OXR1: variants seen among roughly 807,000 people sequenced by gnomAD.
OXR1 encodes the protein oxidation resistance protein 1.
In OXR1, 41 loss-of-function variants were observed where a neutral mutation model predicts 104.6. The ratio of observed to expected loss-of-function variants is 0.39; its 90% CI spans 0.31 to 0.51. The LOEUF (loss-of-function observed/expected upper bound fraction) is 0.51, where lower values mean the gene tolerates loss of function less well. OXR1 is among the 20% of genes least tolerant of loss of function. The pLI is 0.77. For missense variants in OXR1, 955 were observed against 1,031.9 expected (o/e 0.93, Z 1.02); for synonymous variants, 348 against 348.4 (o/e 1.00, Z 0.01).
intron 2 of OXR1, among the ~76,000 whole-genome samples, chr8:106,395,462 C>T (rs1237004325): frequency 1.3e-5 from 2 of 152,080 alleles, no homozygotes; most frequent in African/African-American, 2.4e-5. Context: ...AGTAGCAAAG[C>T]GGAAACCCCA....
chr8:106,357,336 CAG>C (rs902260971), intron 1 of OXR1, among the ~76,000 whole-genome samples: 4 of 151,888 alleles, frequency 2.6e-5, no homozygotes, highest in African/African-American at 9.7e-5. Context: ...TTTGCCTTTA[CAG>C]ATGTAAGTCT....
In OXR1 at chr8:106,564,313, TC is replaced by T. The variant is rs530923353; in HGVS notation, c.220+45177del. 2.0e-5 allele frequency among the ~76,000 whole-genome samples: 3 copies of T among 152,068 alleles called. No homozygotes were observed. In the South Asian group the frequency reaches 6.2e-4, roughly 32 times the overall value. On this transcript the variant is annotated intron_variant, in intron 3 of 16. Transcript: ENST00000517566. ...ATGATAAAGGGGAGATCACCACTGA[TC>T]CCACAGAAATACAAACTACCATCAG...
chr8:106,722,130 C>T (rs1455028485), intron 11 of OXR1, among the ~76,000 whole-genome samples: 1 of 152,018 alleles, frequency 6.6e-6, no homozygotes, highest in Non-Finnish European at 1.5e-5. Context: ...CATATGTTTT[C>T]TATTATTATT....
Position 106,745,834 on chromosome 8 carries a change from A to G in OXR1, c.2458A>G (p.Met820Val), listed in dbSNP as rs952980205. 12 of 1,592,242 alleles carry G rather than the reference A, an allele frequency of 7.5e-6. No individual in the cohort carries two copies. Among genetic ancestry groups the G allele is most frequent in the Admixed American group, 1.7e-5 (1 of 59,840 alleles). The part of the protein sequence containing the change: ...GDNMFFIKGD[M>V]DSLAFGGGGG... ...TAATATGTTTTTTATCAAAGGAGAC[A>G]TGGATTCACTAGCTTTCGGTGGTGG... Residue 820 changes from methionine to valine, a missense_variant, in exon 16 of 17, where the codon ATG becomes GTG. Coordinates refer to ENST00000517566, the MANE Select transcript of OXR1 (RefSeq NM_001198533.2).
intron 6 of OXR1, among the ~76,000 whole-genome samples, chr8:106,686,990 A>G (rs1828801387): frequency 6.6e-6 from 1 of 152,142 alleles, no homozygotes; most frequent in Admixed American, 6.5e-5. Context: ...AGTATTATTT[A>G]TTTCTTATCT....
In OXR1 at chr8:106,706,086, A is replaced by G. The variant is rs1040624909; in HGVS notation, c.861-296A>G. Among the ~76,000 whole-genome samples, 16 of 152,258 alleles carry G rather than the reference A, an allele frequency of 1.1e-4. 1 individual carries two copies. Among genetic ancestry groups the G allele is most frequent in the African/African-American group, 3.9e-4 (16 of 41,558 alleles). Reference sequence around the variant, plus strand: ...TACAGCTTTACCCAGGGTTTATGTCATCAAGTTCCCTTCAAGTGGATTACT... The same window carrying G: ...TACAGCTTTACCCAGGGTTTATGTCGTCAAGTTCCCTTCAAGTGGATTACT... On this transcript the variant is annotated intron_variant, in intron 8 of 16. Transcript: ENST00000517566.
Position 106,542,596 on chromosome 8 carries a change from G to T in OXR1, c.220+23457G>T, listed in dbSNP as rs138243615. On this transcript the variant is annotated intron_variant, in intron 3 of 16. Transcript: ENST00000517566. ...TTCTGTCTTAGTAAATTTCCAGTACGGGTTAGGCACCTATTTTTTTTTCTT... is the reference window on the plus strand; with the variant it reads ...TTCTGTCTTAGTAAATTTCCAGTACTGGTTAGGCACCTATTTTTTTTTCTT... Among the ~76,000 whole-genome samples, 10 of 152,000 alleles carry T rather than the reference G, an allele frequency of 6.6e-5. No individual in the cohort carries two copies. The South Asian group carries it at 2.1e-3, about 32-fold the overall frequency.
intron 1 of OXR1, among the ~76,000 whole-genome samples, chr8:106,308,125 A>G (rs1037649655): frequency 3.9e-5 from 6 of 152,138 alleles, no homozygotes; most frequent in Admixed American, 3.9e-4. Flanking sequence ...GGGGCCCAGG[A>G]AAGCCAGTGG....
intron 2 of OXR1, among the ~76,000 whole-genome samples, chr8:106,485,173 GAGAT>G (rs148900771): frequency 0.054 from 8,168 of 152,134 alleles, 299 homozygotes; most frequent in African/African-American, 0.091. Flanking sequence ...AAAGGAGAGA[GAGAT>G]AAACAGGTAG....
chr8:106,465,779 T>C (rs1821142138), intron 2 of OXR1, among the ~76,000 whole-genome samples: 1 of 152,030 alleles, frequency 6.6e-6, no homozygotes, highest in Non-Finnish European at 1.5e-5. Context: ...CTTTCTCTTA[T>C]ATCACTAGAT....
At chr8:106,373,116 G>A (rs1291272930) in intron 2 of OXR1, among the ~76,000 whole-genome samples, 1 of 152,144 alleles carries the variant, frequency 6.6e-6, no homozygotes, top group Non-Finnish European at 1.5e-5. Context: ...AGTATCTAGG[G>A]ATGATTTAAA....
chr8:106,697,693 G>A, intron 7 of OXR1: 1 of 1,614,066 alleles, frequency 6.2e-7, no homozygotes, highest in Non-Finnish European at 8.5e-7. Flanking sequence ...GATGTCAGTG[G>A]TGTTAATGCC....
intron 10 of OXR1, among the ~76,000 whole-genome samples, chr8:106,713,409 A>G (rs28921433): frequency 1.5e-4 from 23 of 152,060 alleles, no homozygotes; most frequent in African/African-American, 5.3e-4. Context: ...CATTTCTATT[A>G]ACTTGGAAAA....
chr8:106,679,157 CATT>C lies in OXR1; in HGVS notation c.221-51_221-49del, dbSNP rs1374724931. 13 of 1,083,572 alleles carry C rather than the reference CATT, an allele frequency of 1.2e-5. No homozygotes were observed. The Admixed American group carries it at 1.2e-4, about 10-fold the overall frequency. 67.1% of individuals were successfully genotyped at this position (1,083,572 alleles called of 1,614,324 possible). ...AAGAGCTCTATTCAGTAGTCCTTGA[CATT>C]ACTCTGAAAGAAAGATGAATTTAAT... On this transcript the variant is annotated intron_variant, in intron 3 of 16. Coordinates refer to ENST00000517566, the MANE Select transcript of OXR1 (RefSeq NM_001198533.2).
chr8:106,420,761 A>T (rs1312244131), intron 2 of OXR1, among the ~76,000 whole-genome samples: 1 of 105,978 alleles, frequency 9.4e-6, no homozygotes, highest in African/African-American at 5.5e-5. Context: ...TGTGTGTGTT[A>T]GTTACTAGCC....
rs756671936 is a variant in OXR1, at chr8:106,706,638, G to C, written c.1117G>C (p.Val373Leu). The C allele has an allele frequency of 1.2e-6, 2 of 1,613,582 alleles. No individual in the cohort carries two copies. The highest frequency in any genetic ancestry group is 1.7e-6 in the Non-Finnish European group (2 of 1,179,852). ...SGASSESVQT[V>L]NQAEVESLTV... is the part of the protein sequence containing the mutation. The stretch of plus-strand genomic sequence containing the variant: ...TGCGTCATCAGAATCTGTGCAAACT[G>C]TCAATCAGGCTGAAGTAGAAAGTCT... The change falls in exon 9 of 17, where the codon GTC (valine) becomes CTC (leucine). Residue 373 changes from valine (V) to leucine (L), a missense_variant. By Grantham distance (32) the Val-to-Leu change is conservative. Around this residue, in one of 2 missense-constraint regions of OXR1, gnomAD observed 849 missense variants for 852.9 expected, o/e 1.00. Transcript: ENST00000517566.
At chr8:106,560,113 T>C (rs999537853) in intron 3 of OXR1, among the ~76,000 whole-genome samples, 2 of 152,010 alleles carry the variant, frequency 1.3e-5, no homozygotes, top group Admixed American at 6.6e-5. Flanking sequence ...AGAGGAAATA[T>C]AGTAATATGA....
intron 6 of OXR1, among the ~76,000 whole-genome samples, chr8:106,685,617 G>C (rs568866534): frequency 6.6e-6 from 1 of 151,678 alleles, no homozygotes; most frequent in Admixed American, 6.6e-5. Flanking sequence ...CAGTGACTTA[G>C]CTACTGTCAA....
At chr8:106,677,265 AATAC>A (rs1183681975) in intron 3 of OXR1, among the ~76,000 whole-genome samples, 1 of 152,188 alleles carries the variant, frequency 6.6e-6, no homozygotes, top group Non-Finnish European at 1.5e-5. Flanking sequence ...ATTTTATTTT[AATAC>A]ATTTTCAGTT....
Sources: gnomAD v4.1 joint callset for allele counts (sites outside exome capture counted in the v4.1 genomes callset) on GRCh38, gnomAD v4.1.1 for gene constraint, gnomAD v4.1.1 regional missense constraint, MANE v1.5 for transcripts, NCBI Gene and HGNC (gene_info 2026-07-23, HGNC 2026-07-21) for gene names.